Variants in KIF27 observed in about 807,000 individuals in gnomAD.
The protein encoded by KIF27 is kinesin family member 27, also known as kinesin-like protein KIF27.
A neutral mutation model predicts 141.8 loss-of-function variants in KIF27; 84 were observed. The ratio of observed to expected loss-of-function variants is 0.59; its 90% CI spans 0.50 to 0.71. KIF27 has a LOEUF of 0.71. Ranked by LOEUF, KIF27 falls within the 30% of genes least tolerant of loss-of-function variation. KIF27 has a pLI of 0.00. For synonymous variants in KIF27, 471 were observed against 569.5 expected (o/e 0.83, Z 2.46); for missense variants, 1,306 against 1,628.4 (o/e 0.80, Z 3.41).
At chr9:83,846,277 G>A (rs1191199845) in intron 16 of KIF27, among the ~76,000 whole-genome samples, 1 of 152,182 alleles carries the variant, frequency 6.6e-6, no homozygotes, top group African/African-American at 2.4e-5. Flanking sequence ...ACTTACTCCG[G>A]ATGTGGGTTT....
At chr9:83,848,067 T>TG (rs1293508903) in intron 16 of KIF27, among the ~76,000 whole-genome samples, 2,941 of 13,920 alleles carry the variant, frequency 0.21, 711 homozygotes, top group East Asian at 0.27. Flanking sequence ...ATATCATATA[T>TG]ATGATATATG....
At chr9:83,865,808 A>C (rs1357499996) in intron 13 of KIF27, among the ~76,000 whole-genome samples, 1 of 152,168 alleles carries the variant, frequency 6.6e-6, no homozygotes, top group South Asian at 2.1e-4. Context: ...AATGTCCATC[A>C]TATTTCAGAG....
chr9:83,858,360 C>T (rs1001006249), intron 14 of KIF27: 2 of 152,170 alleles, frequency 1.3e-5, no homozygotes, highest in African/African-American at 2.4e-5. Flanking sequence ...ACAAGATTCA[C>T]CACTGTGTGT....
intron 2 of KIF27, among the ~76,000 whole-genome samples, chr9:83,914,432 C>G (rs956146351): frequency 6.6e-6 from 1 of 152,094 alleles, no homozygotes; most frequent in African/African-American, 2.4e-5. Context: ...CAACCACCCT[C>G]TGAGCCACCT....
At chr9:83,883,469 G>C (rs1951840388) in intron 10 of KIF27, among the ~76,000 whole-genome samples, 1 of 152,164 alleles carries the variant, frequency 6.6e-6, no homozygotes. Flanking sequence ...CCCATTTGTT[G>C]AGTGTCTACA....
At chr9:83,902,049 G>A (rs1431607015) in intron 4 of KIF27, among the ~76,000 whole-genome samples, 4 of 152,160 alleles carry the variant, frequency 2.6e-5, no homozygotes, top group Non-Finnish European at 5.9e-5. Context: ...GAGGGATCTC[G>A]CTTTAAAAGT....
chr9:83,834,134 A>G lies in KIF27; in HGVS notation c.*2867T>C, dbSNP rs1729219161. On this transcript the variant is annotated 3_prime_UTR_variant, in exon 18 of 18. Coordinates refer to ENST00000297814, the MANE Select transcript of KIF27 (RefSeq NM_017576.4). ...CAAATGCTTTATTACAGTTAAGAGG[A>G]AAAAAGAACATAATGAACGAAAAAA... Among the ~76,000 whole-genome samples the G allele has an allele frequency of 6.6e-6, 1 of 152,182 alleles. No homozygotes were observed. Among genetic ancestry groups the G allele is most frequent in the Non-Finnish European group, 1.5e-5 (1 of 68,020 alleles).
intron 11 of KIF27, among the ~76,000 whole-genome samples, chr9:83,876,351 TAAGTA>T (rs1314015618): frequency 6.6e-6 from 1 of 152,226 alleles, no homozygotes; most frequent in African/African-American, 2.4e-5. Context: ...GGAACAAGTT[TAAGTA>T]AAGAGGTAAA....
intron 2 of KIF27, among the ~76,000 whole-genome samples, chr9:83,911,131 A>G (rs1955115057): frequency 6.6e-6 from 1 of 152,154 alleles, no homozygotes; most frequent in Non-Finnish European, 1.5e-5. Context: ...CAGTGGCACA[A>G]TCATGGCTCA....
intron 16 of KIF27, chr9:83,849,317 G>T (rs1378845394): frequency 2.6e-5 from 4 of 152,162 alleles, no homozygotes; most frequent in Non-Finnish European, 5.9e-5. Context: ...TAACTTAGAA[G>T]CAAATTGCCT....
intron 4 of KIF27, among the ~76,000 whole-genome samples, chr9:83,902,259 T>C (rs1953992115): frequency 1.3e-5 from 2 of 152,228 alleles, no homozygotes. Flanking sequence ...AAAAGCTATC[T>C]TTTTAAGTTT....
chr9:83,889,129 T>C lies in KIF27; in HGVS notation c.1934A>G (p.Asn645Ser), dbSNP rs770987050. Reference protein sequence around the residue: ...DKVLHCQFSDNSDDEESEGQE... With the variant: ...DKVLHCQFSDSSDDEESEGQE... ...GCCTTCTGATTCTTCATCATCACTG[T>C]TATCAGAAAATTGGCAGTGGAGGAC... is the stretch of plus-strand genomic sequence containing the variant. Residue 645 changes from asparagine to serine, a missense_variant, in exon 7 of 18, where the codon AAC becomes AGC. Coordinates refer to ENST00000297814, the MANE Select transcript of KIF27 (RefSeq NM_017576.4). 1 of 1,613,934 alleles carries C rather than the reference T, an allele frequency of 6.2e-7. No homozygotes were observed. Among genetic ancestry groups the C allele is most frequent in the Non-Finnish European group, 8.5e-7 (1 of 1,179,866 alleles).
chr9:83,859,245 C>T lies in KIF27; in HGVS notation c.3061G>A (p.Glu1021Lys), dbSNP rs776548762. 13 of 1,614,102 alleles carry T rather than the reference C, an allele frequency of 8.1e-6. No individual in the cohort carries two copies. The South Asian group carries it at 1.2e-4, about 15-fold the overall frequency. ...EEKTKISEQV[E>K]VLQKEKDQLQ... ...TGATCCTTTTCTTTCTGGAGGACTT[C>T]AACTTGTTCTGAAATCTTTGTTTTC... Residue 1021 changes from glutamate to lysine, a missense_variant, in exon 14 of 18, where the codon GAA becomes AAA. Transcript: ENST00000297814.
chr9:83,893,077 A>C (rs1952834126), intron 5 of KIF27, among the ~76,000 whole-genome samples: 1 of 152,154 alleles, frequency 6.6e-6, no homozygotes. Context: ...TCTCTACAAA[A>C]AATACAAGAA....
Position 83,903,206 on chromosome 9 carries a change from T to A in KIF27, c.1312A>T (p.Lys438Ter), listed in dbSNP as rs1954115409. The A allele has an allele frequency of 6.2e-7, 1 of 1,614,060 alleles. No individual in the cohort carries two copies. Among genetic ancestry groups the A allele is most frequent in the Non-Finnish European group, 8.5e-7 (1 of 1,180,044 alleles). The change falls in exon 4 of 18, where the codon AAA becomes TAA. Residue 438 changes from lysine (K) to a stop codon, truncating the protein, a stop_gained. Coordinates refer to ENST00000297814, the MANE Select transcript of KIF27 (RefSeq NM_017576.4). LOFTEE classifies it high-confidence loss of function. ...TVRLNEKQQH[K>*]LQEWFNMIQE... ...ATCATGTTAAACCACTCCTGCAGTT[T>A]GTGTTGCTGCTTTTCGTTTAGTCTG...
intron 10 of KIF27, among the ~76,000 whole-genome samples, chr9:83,880,797 A>T (rs1292067267): frequency 2.0e-5 from 3 of 152,258 alleles, no homozygotes; most frequent in African/African-American, 7.2e-5. Context: ...AAAAATAGTT[A>T]AAACAGTATA....
At chr9:83,915,821 T>A in intron 1 of KIF27, 143 bp from the exon 2 acceptor site, 1 of 470,484 alleles carries the variant, frequency 2.1e-6, no homozygotes, top group African/African-American at 2.0e-5. Context: ...TCTTGTAAAA[T>A]ACATCGTAAA....
At chr9:83,871,225 T>C (rs1950766815) in intron 11 of KIF27, among the ~76,000 whole-genome samples, 1 of 152,210 alleles carries the variant, frequency 6.6e-6, no homozygotes, top group African/African-American at 2.4e-5. Context: ...TCAGCCTTAA[T>C]TTTTAATTGA....
At chr9:83,914,105 A>AAT (rs1491036040) in intron 2 of KIF27, among the ~76,000 whole-genome samples, 2 of 108,590 alleles carry the variant, frequency 1.8e-5, no homozygotes, top group African/African-American at 7.1e-5. Context: ...TCTTAATAAT[A>AAT]AAAAAAAAAG....
Sources: allele counts gnomAD v4.1 joint callset (sites outside exome capture counted in the v4.1 genomes callset), GRCh38; gene constraint gnomAD v4.1.1; transcripts MANE v1.5; gene names NCBI Gene and HGNC (gene_info 2026-07-23, HGNC 2026-07-21).